The following ELP3 variants were observed in gnomAD, a reference collection of about 807,000 sequenced individuals.
ELP3 encodes elongator complex protein 3.
ELP3 carries 56 observed loss-of-function variants against 74.9 expected under a neutral mutation model. The observed-to-expected ratio is 0.75, with a 90% CI of 0.60 to 0.93. The LOEUF (loss-of-function observed/expected upper bound fraction) is 0.93. ELP3 is among the 40% of genes least tolerant of loss of function. The pLI, the probability that ELP3 is intolerant of heterozygous loss-of-function variation, is 0.00. For missense variants in ELP3, 573 were observed against 686.5 expected (o/e 0.83, Z 1.85); for synonymous variants, 222 against 239.8 (o/e 0.93, Z 0.68).
chr8:28,111,713 C>A (rs1329613840), intron 6 of ELP3, among the ~76,000 whole-genome samples: 1 of 152,156 alleles, frequency 6.6e-6, no homozygotes, highest in Non-Finnish European at 1.5e-5. Context: ...GCATGAAATG[C>A]TTATGTTTAC....
chr8:28,170,459 C>T (rs943908928), intron 14 of ELP3, among the ~76,000 whole-genome samples: 5 of 152,192 alleles, frequency 3.3e-5, no homozygotes, highest in South Asian at 4.1e-4. Context: ...TCAGCCTGCA[C>T]CTGACCCTTT....
chr8:28,146,565 A>G lies in ELP3; in HGVS notation c.1100+8674A>G, dbSNP rs114007537. On this transcript the variant is annotated intron_variant, in intron 10 of 14. Transcript: ENST00000256398. ...AATCAAATGGAGAAACGTAAAAATA[A>G]TTTTAACTCCTACCTAGATGAATGC... Among the ~76,000 whole-genome samples the G allele has an allele frequency of 3.4e-3, 518 of 152,308 alleles. 3 individuals are homozygous for G. The highest frequency in any genetic ancestry group is 0.012 in the African/African-American group (491 of 41,562).
intron 10 of ELP3, among the ~76,000 whole-genome samples, chr8:28,150,912 G>T (rs562874185): frequency 6.6e-6 from 1 of 152,250 alleles, no homozygotes; most frequent in South Asian, 2.1e-4. Flanking sequence ...TCCCACCTCA[G>T]CCTCCCAAAT....
At chr8:28,099,732 G>C in intron 2 of ELP3, 96 bp from the exon 3 acceptor site, 1 of 1,337,152 alleles carries the variant, frequency 7.5e-7, no homozygotes, top group African/African-American at 1.4e-5. Flanking sequence ...GGATTGGAGA[G>C]TGACAGTTGT....
chr8:28,121,584 TGCTGGGATTACA>T (rs1812375408), intron 7 of ELP3, among the ~76,000 whole-genome samples: 1 of 152,122 alleles, frequency 6.6e-6, no homozygotes, highest in Non-Finnish European at 1.5e-5. Context: ...CCTCCCAAAG[TGCTGGGATTACA>T]GGTGTGAGCC....
intron 14 of ELP3, among the ~76,000 whole-genome samples, chr8:28,178,855 T>A (rs998923573): frequency 6.6e-6 from 1 of 152,224 alleles, no homozygotes; most frequent in Non-Finnish European, 1.5e-5. Context: ...AACTGATGAT[T>A]TTGACTACCT....
At position 28,172,280 on chromosome 8, in the gene ELP3, A is replaced by G. The variant is rs351757; in HGVS notation, c.1567+10202A>G. The stretch of plus-strand genomic sequence containing the variant: ...ACAATGTTAAGTCTTCCAGGCCATG[A>G]ACACAGGATATCCTTCCATTTATTT... On this transcript the variant is annotated intron_variant, in intron 14 of 14. Coordinates refer to ENST00000256398, the MANE Select transcript of ELP3 (RefSeq NM_018091.6). Among the ~76,000 whole-genome samples the G allele has an allele frequency of 4.1e-3, 630 of 152,242 alleles. 3 individuals carry two copies. Among genetic ancestry groups the G allele is most frequent in the African/African-American group, 0.014 (584 of 41,572 alleles).
At chr8:28,120,727 A>C (rs549768658) in intron 7 of ELP3, among the ~76,000 whole-genome samples, 1 of 152,180 alleles carries the variant, frequency 6.6e-6, no homozygotes. Flanking sequence ...TATGTGTAAT[A>C]TGAGGTGGGG....
intron 8 of ELP3, among the ~76,000 whole-genome samples, chr8:28,130,580 G>A (rs544347816): frequency 3.0e-4 from 45 of 152,284 alleles, no homozygotes; most frequent in African/African-American, 9.4e-4. Context: ...AAGAGTAACC[G>A]AATAGGATGC....
At chr8:28,095,731 G>A (rs1811226702) in intron 1 of ELP3, among the ~76,000 whole-genome samples, 1 of 152,202 alleles carries the variant, frequency 6.6e-6, no homozygotes, top group African/African-American at 2.4e-5. Flanking sequence ...ACTTGCCTTA[G>A]CCTCATTTTT....
chr8:28,129,735 C>A (rs1440384094), intron 8 of ELP3, 72 bp downstream of exon 8: 24 of 1,562,234 alleles, frequency 1.5e-5, no homozygotes, highest in East Asian at 4.5e-5. Context: ...TCATACCCAG[C>A]CTTTCTTCCT....
intron 2 of ELP3, 42 bp downstream of exon 2, chr8:28,097,360 C>A: frequency 7.4e-7 from 1 of 1,352,230 alleles, no homozygotes; most frequent in Non-Finnish European, 1.1e-6. Context: ...TCTTAGGTAG[C>A]AGATCTCTTT....
chr8:28,121,586 C>T (rs1812375543), intron 7 of ELP3, among the ~76,000 whole-genome samples: 1 of 152,018 alleles, frequency 6.6e-6, no homozygotes. Flanking sequence ...TCCCAAAGTG[C>T]TGGGATTACA....
intron 7 of ELP3, chr8:28,113,546 C>T (rs1585654197): frequency 5.0e-5 from 2 of 40,364 alleles, no homozygotes; most frequent in East Asian, 9.0e-3. Flanking sequence ...TATTTAAAAA[C>T]CTAATTTATA....
At chr8:28,115,100 A>G (rs897387802) in intron 7 of ELP3, among the ~76,000 whole-genome samples, 1 of 152,172 alleles carries the variant, frequency 6.6e-6, no homozygotes, top group African/African-American at 2.4e-5. Flanking sequence ...GAGGTGGGAA[A>G]GATAGCGGGA....
intron 14 of ELP3, 146 bp from the exon 15 acceptor site, chr8:28,189,503 A>G: frequency 1.5e-6 from 1 of 657,730 alleles, no homozygotes; most frequent in Non-Finnish European, 2.7e-6. Context: ...CAAAGTAATA[A>G]TGTTCCAAAC....
intron 14 of ELP3, among the ~76,000 whole-genome samples, chr8:28,162,878 G>T (rs748996974): frequency 1.3e-5 from 2 of 152,224 alleles, no homozygotes; most frequent in Non-Finnish European, 2.9e-5. Context: ...AGATGAAGAT[G>T]TTTGTTTGCT....
At chr8:28,122,454 G>A (rs1812410219) in intron 7 of ELP3, among the ~76,000 whole-genome samples, 1 of 152,182 alleles carries the variant, frequency 6.6e-6, no homozygotes, top group Non-Finnish European at 1.5e-5. Context: ...GAGGGTTTTA[G>A]ATCATAATTC....
intron 5 of ELP3, among the ~76,000 whole-genome samples, chr8:28,109,007 G>A (rs1811808462): frequency 6.6e-6 from 1 of 152,036 alleles, no homozygotes; most frequent in Non-Finnish European, 1.5e-5. Flanking sequence ...TGAGGCCCAA[G>A]GAAGGAAAGA....
Sources: gnomAD v4.1 joint callset for allele counts (sites outside exome capture counted in the v4.1 genomes callset) on GRCh38, gnomAD v4.1.1 for gene constraint, MANE v1.5 for transcripts, NCBI Gene and HGNC (gene_info 2026-07-23, HGNC 2026-07-21) for gene names.